OXR1: variants seen among roughly 807,000 people sequenced by gnomAD.
The protein encoded by OXR1 is oxidation resistance protein 1.
Under a neutral mutation model 104.6 loss-of-function variants are expected in OXR1, and 41 were observed. That is an observed-to-expected ratio of 0.39 (90% CI 0.31 to 0.51). The LOEUF is 0.51. Ranked by LOEUF, OXR1 falls within the 20% of genes least tolerant of loss-of-function variation. OXR1 has a pLI of 0.77. For missense variants in OXR1, 955 were observed against 1,031.9 expected (o/e 0.93, Z 1.02); for synonymous variants, 348 against 348.4 (o/e 1.00, Z 0.01).
chr8:106,390,554 AG>A (rs1817553013), intron 2 of OXR1, among the ~76,000 whole-genome samples: 1 of 152,212 alleles, frequency 6.6e-6, no homozygotes. Context: ...TCACACAGAA[AG>A]TATCAGAACA....
chr8:106,703,189 C>T, intron 8 of OXR1, 99 bp downstream of exon 8: 1 of 713,148 alleles, frequency 1.4e-6, no homozygotes, highest in South Asian at 2.5e-5. Context: ...CTTATAGCTG[C>T]CTTTTATTTT....
chr8:106,474,678 G>A (rs1338573874), intron 2 of OXR1, among the ~76,000 whole-genome samples: 1 of 151,936 alleles, frequency 6.6e-6, no homozygotes, highest in African/African-American at 2.4e-5. Context: ...CGTCAGCAGA[G>A]GTGAGTAGTT....
chr8:106,722,031 A>G (rs932677961), intron 11 of OXR1, among the ~76,000 whole-genome samples: 4 of 152,170 alleles, frequency 2.6e-5, no homozygotes, highest in African/African-American at 9.7e-5. Context: ...CTTTTAAGAA[A>G]CACCTTATCA....
At chr8:106,510,057 C>G (rs1812423911) in intron 2 of OXR1, among the ~76,000 whole-genome samples, 1 of 152,208 alleles carries the variant, frequency 6.6e-6, no homozygotes, top group African/African-American at 2.4e-5. Context: ...CAGGAGTAAG[C>G]CACTGCACCC....
chr8:106,732,991 G>A (rs1355848129), intron 11 of OXR1, among the ~76,000 whole-genome samples: 1 of 152,128 alleles, frequency 6.6e-6, no homozygotes, highest in Non-Finnish European at 1.5e-5. Context: ...TCATCAGTGA[G>A]TCTATCTGGG....
chr8:106,355,370 G>A (rs775701994), intron 1 of OXR1, among the ~76,000 whole-genome samples: 3 of 151,834 alleles, frequency 2.0e-5, no homozygotes, highest in Admixed American at 2.0e-4. Flanking sequence ...GTTTTCTCTG[G>A]AAAGATTACA....
intron 3 of OXR1, among the ~76,000 whole-genome samples, chr8:106,615,226 T>C (rs2130815077): frequency 6.6e-6 from 1 of 152,084 alleles, no homozygotes; most frequent in Non-Finnish European, 1.5e-5. Context: ...GGTCAGGACT[T>C]TGAAACCAGC....
chr8:106,569,498 A>C (rs1011915407), intron 3 of OXR1, among the ~76,000 whole-genome samples: 2 of 152,218 alleles, frequency 1.3e-5, no homozygotes, highest in African/African-American at 4.8e-5. Context: ...TAAGTGTTGA[A>C]CGGCAAGAAC....
intron 2 of OXR1, among the ~76,000 whole-genome samples, chr8:106,397,651 A>C (rs762225004): frequency 1.3e-5 from 2 of 152,188 alleles, no homozygotes; most frequent in African/African-American, 2.4e-5. Flanking sequence ...TCTGCCCTTG[A>C]AAAAAATCTA....
chr8:106,562,495 C>T (rs7837012), intron 3 of OXR1, among the ~76,000 whole-genome samples: 108,347 of 152,018 alleles, frequency 0.71, 38,838 homozygotes, highest in Admixed American at 0.78. Context: ...CTATGTTAGA[C>T]TGCTGTACCT....
chr8:106,722,454 G>A (rs1342331209), intron 11 of OXR1, among the ~76,000 whole-genome samples: 1 of 152,136 alleles, frequency 6.6e-6, no homozygotes, highest in Admixed American at 6.5e-5. Flanking sequence ...TTTATTAGTT[G>A]ATAGGTACTG....
At chr8:106,597,065 C>CA (rs923939823) in intron 3 of OXR1, among the ~76,000 whole-genome samples, 6 of 151,098 alleles carry the variant, frequency 4.0e-5, no homozygotes, top group African/African-American at 7.3e-5. Context: ...AACAAACAAA[C>CA]AAAAAAAAGA....
intron 1 of OXR1, among the ~76,000 whole-genome samples, chr8:106,310,404 G>A (rs1050615271): frequency 1.2e-4 from 18 of 151,992 alleles, no homozygotes; most frequent in African/African-American, 4.4e-4. Flanking sequence ...TTCCAATCTG[G>A]GGTGGCTGCT....
intron 11 of OXR1, among the ~76,000 whole-genome samples, chr8:106,734,156 C>G (rs537765275): frequency 2.0e-4 from 30 of 152,056 alleles, no homozygotes; most frequent in Admixed American, 1.7e-3. Flanking sequence ...CGAGATTTCT[C>G]CATGTTGCCC....
At chr8:106,693,387 C>T (rs1829504493) in intron 7 of OXR1, among the ~76,000 whole-genome samples, 1 of 146,798 alleles carries the variant, frequency 6.8e-6, no homozygotes, top group Admixed American at 6.8e-5. Context: ...GGTCCAAGAT[C>T]TCTCTATAAT....
intron 6 of OXR1, among the ~76,000 whole-genome samples, chr8:106,690,641 C>T (rs1829186970): frequency 6.7e-6 from 1 of 150,170 alleles, no homozygotes; most frequent in South Asian, 2.1e-4. Flanking sequence ...AAAAATTGAT[C>T]CCGATATTTT....
chr8:106,624,584 G>A (rs1712253404), intron 3 of OXR1, among the ~76,000 whole-genome samples: 1 of 152,144 alleles, frequency 6.6e-6, no homozygotes, highest in Non-Finnish European at 1.5e-5. Context: ...AGATAGCTGA[G>A]GGCTGGGTAT....
chr8:106,496,085 C>A (rs1811394324), intron 2 of OXR1, among the ~76,000 whole-genome samples: 1 of 152,114 alleles, frequency 6.6e-6, no homozygotes, highest in Non-Finnish European at 1.5e-5. Flanking sequence ...AGTCCATGGA[C>A]CCCTGAGGAT....
chr8:106,563,185 T>C (rs1428765828), intron 3 of OXR1, among the ~76,000 whole-genome samples: 1 of 149,948 alleles, frequency 6.7e-6, no homozygotes, highest in Non-Finnish European at 1.5e-5. Flanking sequence ...GCAAATTGGA[T>C]AGAATCAAGA....
Sources: gnomAD v4.1 joint callset for allele counts (sites outside exome capture counted in the v4.1 genomes callset) on GRCh38, gnomAD v4.1.1 for gene constraint, MANE v1.5 for transcripts, NCBI Gene and HGNC (gene_info 2026-07-23, HGNC 2026-07-21) for gene names.